FMN1: variants seen among roughly 807,000 people sequenced by gnomAD.
FMN1 encodes the protein formin-1.
A neutral mutation model predicts 132.4 loss-of-function variants in FMN1; 110 were observed. That is an observed-to-expected ratio of 0.83 (90% CI 0.71 to 0.97). The LOEUF is 0.97. Ranked by LOEUF, FMN1 falls within the 50% of genes least tolerant of loss-of-function variation. The pLI is 0.00. For missense variants in FMN1, 1,792 were observed against 1,705.3 expected (o/e 1.05, Z -0.90); for synonymous variants, 722 against 651.7 (o/e 1.11, Z -1.64).
Position 32,768,506 on chromosome 15 carries a change from G to A in FMN1, c.*5804C>T, listed in dbSNP as rs939879805. On this transcript the variant is annotated 3_prime_UTR_variant, in exon 21 of 21. Coordinates refer to ENST00000616417, the MANE Select transcript of FMN1 (RefSeq NM_001277313.2). ...AGAAATATTCATATTAATTTAAGACGTTCTCATAGTTTCAAAGGTAGAGAG... is the reference window on the plus strand; with the variant it reads ...AGAAATATTCATATTAATTTAAGACATTCTCATAGTTTCAAAGGTAGAGAG... 6 of 152,204 alleles carry A rather than the reference G, an allele frequency of 3.9e-5. No individual in the cohort carries two copies. The highest frequency in any genetic ancestry group is 7.3e-5 in the Non-Finnish European group (5 of 68,044). 9.4% of individuals were successfully genotyped at this position (152,204 alleles called of 1,614,324 possible). A position where few individuals can be genotyped will look rare whatever the true frequency, so the allele number is the denominator to read the frequency against.
chr15:33,017,181 A>T (rs573102749), intron 6 of FMN1, among the ~76,000 whole-genome samples: 1 of 152,060 alleles, frequency 6.6e-6, no homozygotes, highest in South Asian at 2.1e-4. Context: ...AGGAGGGAGG[A>T]ATCAGTGGAG....
intron 4 of FMN1, among the ~76,000 whole-genome samples, chr15:33,124,311 G>GGA (rs1281946884): frequency 6.6e-6 from 1 of 152,196 alleles, no homozygotes; most frequent in East Asian, 1.9e-4. Context: ...AAGTGAGAAG[G>GGA]GGGTCTGGTC....
intron 4 of FMN1, among the ~76,000 whole-genome samples, chr15:33,114,239 T>C (rs1265240810): frequency 6.6e-6 from 1 of 152,204 alleles, no homozygotes; most frequent in East Asian, 1.9e-4. Flanking sequence ...CTATGGGTTA[T>C]TATTTCTACA....
At chr15:33,094,646 G>A (rs866960179) in intron 4 of FMN1, among the ~76,000 whole-genome samples, 2 of 152,136 alleles carry the variant, frequency 1.3e-5, no homozygotes, top group Non-Finnish European at 2.9e-5. Flanking sequence ...TAGGAGCCTA[G>A]AGCCATGAAT....
intron 7 of FMN1, among the ~76,000 whole-genome samples, chr15:32,994,232 T>TCTCTCTCTCTCTCTCTCTCTCTCTCTCA (rs904998781): frequency 1.2e-3 from 44 of 37,250 alleles, no homozygotes; most frequent in East Asian, 0.01. Flanking sequence ...TCTCTCTCTC[T>TCTCTCTCTCTCTCTCTCTCTCTCTCTCA]CACACACACA....
chr15:32,869,016 G>A (rs2059455665), intron 16 of FMN1, among the ~76,000 whole-genome samples: 1 of 152,166 alleles, frequency 6.6e-6, no homozygotes, highest in Non-Finnish European at 1.5e-5. Context: ...AGGCTCTCCA[G>A]GAGAGAAAAC....
At chr15:33,157,219 C>T (rs938795567) in intron 3 of FMN1, among the ~76,000 whole-genome samples, 2 of 149,470 alleles carry the variant, frequency 1.3e-5, no homozygotes, top group African/African-American at 4.9e-5. Flanking sequence ...GAGCTGACAT[C>T]GCGCCACTGC....
chr15:33,162,255 T>C (rs967612193), intron 3 of FMN1, among the ~76,000 whole-genome samples: 2 of 152,124 alleles, frequency 1.3e-5, no homozygotes, highest in Non-Finnish European at 1.5e-5. Context: ...TCAAGTGATC[T>C]GCCCACCTTA....
At position 32,857,202 on chromosome 15, in the gene FMN1, G is replaced by A. The variant is rs533409484; in HGVS notation, c.3836-95C>T. The A allele has an allele frequency of 1.0e-4, 92 of 918,710 alleles. 2 individuals carry two copies. The South Asian group carries it at 1.1e-3, about 11-fold the overall frequency. 56.9% of individuals were successfully genotyped at this position (918,710 alleles called of 1,614,324 possible). On this transcript the variant is annotated intron_variant, in intron 16 of 20. Transcript: ENST00000616417. The stretch of plus-strand genomic sequence containing the variant: ...TGTGCTATGCACTTGGCTATCAATT[G>A]TGCACACTCCTTGTCAACCACTGTT...
Position 33,154,227 on chromosome 15 carries a change from G to C in FMN1, c.688C>G (p.Leu230Val). Reference sequence around the variant, plus strand: ...GGGGGGCAGCTCTCTCTCCTCTGCAGGGAGCAGGCAAGTGCCCCATTCGGG... The same window carrying C: ...GGGGGGCAGCTCTCTCTCCTCTGCACGGAGCAGGCAAGTGCCCCATTCGGG... ...LLPNGALACSLQRRESCPPDI... is the reference protein window; with the variant it reads ...LLPNGALACSVQRRESCPPDI... Residue 230 changes from leucine (L) to valine (V), a missense_variant, in exon 4 of 21, where the codon CTG becomes GTG. By Grantham distance (32) the Leu-to-Val change is conservative (BLOSUM62 1). This residue lies in a region of FMN1 where 638 missense variants were observed against 645.2 expected (regional missense o/e 0.99). Coordinates refer to ENST00000616417, the MANE Select transcript of FMN1 (RefSeq NM_001277313.2). 1 of 1,536,220 alleles carries C rather than the reference G, an allele frequency of 6.5e-7. No individual in the cohort carries two copies. The highest frequency in any genetic ancestry group is 1.2e-5 in the South Asian group (1 of 84,054).
intron 4 of FMN1, among the ~76,000 whole-genome samples, chr15:33,148,813 T>C (rs1309185483): frequency 6.6e-6 from 1 of 152,186 alleles, no homozygotes; most frequent in South Asian, 2.1e-4. Context: ...CCCTACCTCC[T>C]GGACTAGTGC....
At chr15:32,903,731 G>T (rs1234289183) in intron 12 of FMN1, among the ~76,000 whole-genome samples, 1 of 152,170 alleles carries the variant, frequency 6.6e-6, no homozygotes, top group Admixed American at 6.5e-5. Context: ...CTCAAAAGAG[G>T]AAGCATAGGA....
intron 9 of FMN1, among the ~76,000 whole-genome samples, chr15:32,954,085 CAACT>C (rs1432080616): frequency 6.6e-6 from 1 of 152,180 alleles, no homozygotes; most frequent in African/African-American, 2.4e-5. Context: ...ACAACTACAA[CAACT>C]AATAGTTACC....
At chr15:33,128,638 AAAGAC>A (rs1963360988) in intron 4 of FMN1, among the ~76,000 whole-genome samples, 1 of 152,210 alleles carries the variant, frequency 6.6e-6, no homozygotes. Flanking sequence ...TACAGCTCTT[AAAGAC>A]GGTGCGTCCG....
At chr15:32,974,880 G>T (rs1279060284) in intron 7 of FMN1, among the ~76,000 whole-genome samples, 1 of 152,170 alleles carries the variant, frequency 6.6e-6, no homozygotes, top group African/African-American at 2.4e-5. Flanking sequence ...TAAAGGGAAT[G>T]TTCCTTCATT....
intron 6 of FMN1, chr15:33,064,269 T>A (rs2037615427): frequency 6.6e-6 from 1 of 151,826 alleles, no homozygotes; most frequent in Non-Finnish European, 1.5e-5. Context: ...GGCAGAGAGG[T>A]TTCATGGATA....
At chr15:32,946,291 T>C (rs1194250098) in intron 9 of FMN1, among the ~76,000 whole-genome samples, 1 of 152,064 alleles carries the variant, frequency 6.6e-6, no homozygotes, top group African/African-American at 2.4e-5. Context: ...CATAACATAG[T>C]GACTGAAAAA....
chr15:33,077,377 T>A (rs558894000), intron 5 of FMN1, among the ~76,000 whole-genome samples: 2,046 of 142,812 alleles, frequency 0.014, 61 homozygotes, highest in African/African-American at 0.049. Flanking sequence ...ATATTTTTTT[T>A]ATTATACTTT....
chr15:32,980,120 A>C (rs934828386), intron 7 of FMN1, among the ~76,000 whole-genome samples: 5 of 152,190 alleles, frequency 3.3e-5, no homozygotes, highest in Non-Finnish European at 5.9e-5. Flanking sequence ...TGCCTCCTCT[A>C]AAAGAAGCTA....
Sources: allele counts gnomAD v4.1 joint callset (sites outside exome capture counted in the v4.1 genomes callset), GRCh38; gene constraint gnomAD v4.1.1; regional missense constraint gnomAD v4.1.1; transcripts MANE v1.5; gene names NCBI Gene and HGNC (gene_info 2026-07-23, HGNC 2026-07-21).